Variants in GALNTL5 observed in about 807,000 individuals in gnomAD.
The protein encoded by GALNTL5 is inactive polypeptide N-acetylgalactosaminyltransferase-like protein 5.
Under a neutral mutation model 51.0 loss-of-function variants are expected in GALNTL5, and 44 were observed. The ratio of observed to expected loss-of-function variants is 0.86; its 90% confidence interval spans 0.68 to 1.11. The LOEUF is 1.11. GALNTL5 is among the 50% of genes least tolerant of loss of function. GALNTL5 has a pLI of 0.00. For missense variants in GALNTL5, 528 were observed against 531.8 expected (o/e 0.99, Z 0.07); for synonymous variants, 192 against 182.8 (o/e 1.05, Z -0.41).
At chr7:151,962,605 T>TTTTGTTTG (rs386411671) in intron 1 of GALNTL5, among the ~76,000 whole-genome samples, 421 of 19,528 alleles carry the variant, frequency 0.022, 2 homozygotes, top group African/African-American at 0.042. Flanking sequence ...CATGTCTGGG[T>TTTTGTTTG]TTTGTTTGTT....
intron 1 of GALNTL5, chr7:151,957,711 C>T (rs953264060): frequency 2.6e-5 from 4 of 152,118 alleles, no homozygotes; most frequent in African/African-American, 9.7e-5. Flanking sequence ...CTCTTTAATG[C>T]ACTTAAAATT....
chr7:152,014,498 C>T (rs2081779797), intron 7 of GALNTL5, 146 bp from the exon 8 acceptor site: 1 of 663,628 alleles, frequency 1.5e-6, no homozygotes, highest in African/African-American at 1.9e-5. Flanking sequence ...AAACTCCCTT[C>T]CTTAGGTGAT....
At position 152,019,679 on chromosome 7, in the gene GALNTL5, T is replaced by C; in HGVS notation, c.1210T>C (p.Tyr404His). 6.2e-7 allele frequency: 1 copy of C among 1,613,482 alleles called. No homozygotes were observed. Among genetic ancestry groups the C allele is most frequent in the East Asian group, 2.2e-5 (1 of 44,876 alleles). Residue 404 changes from tyrosine to histidine, a missense_variant, in exon 9 of 9, where the codon TAT becomes CAT. Transcript: ENST00000392800. ...QFFLRKPGLK[Y>H]VTYGNIRERV... ...TTTTCTTCGAAAGCCTGGTCTGAAA[T>C]ATGTCACCTACGGAAATATTCGCGA...
chr7:151,987,287 A>T lies in GALNTL5; in HGVS notation c.658+6A>T. The T allele has an allele frequency of 6.4e-7, 1 of 1,565,250 alleles. No individual in the cohort carries two copies. The highest frequency in any genetic ancestry group is 8.6e-7 in the Non-Finnish European group (1 of 1,163,850). ...TGGAGCTTCTCATGCTTCAGGTAGG[A>T]ACATTCCTGGGGACAAGAGCCAGTG... is the stretch of plus-strand genomic sequence containing the variant. On this transcript the variant is annotated splice_donor_region_variant and intron_variant, in intron 5 of 8. Transcript: ENST00000392800.
At chr7:151,974,575 T>A (rs752637753) in intron 3 of GALNTL5, among the ~76,000 whole-genome samples, 15 of 152,190 alleles carry the variant, frequency 9.9e-5, no homozygotes, top group Non-Finnish European at 1.5e-4. Flanking sequence ...GACGTGGAGT[T>A]TGTACATGAT....
chr7:152,007,124 A>T (rs1165507264), intron 6 of GALNTL5, among the ~76,000 whole-genome samples: 1 of 152,128 alleles, frequency 6.6e-6, no homozygotes, highest in Non-Finnish European at 1.5e-5. Flanking sequence ...TGGTGGACAA[A>T]ACAAGATGCT....
At chr7:151,998,636 T>G (rs928045315) in intron 5 of GALNTL5, among the ~76,000 whole-genome samples, 2 of 151,912 alleles carry the variant, frequency 1.3e-5, no homozygotes, top group African/African-American at 2.4e-5. Context: ...GCTGGACATG[T>G]TGGCAGGTGC....
intron 5 of GALNTL5, among the ~76,000 whole-genome samples, chr7:151,996,425 A>C (rs2081501361): frequency 6.6e-6 from 1 of 152,172 alleles, no homozygotes; most frequent in African/African-American, 2.4e-5. Flanking sequence ...TTGAACATCA[A>C]TACCAAAAAA....
At chr7:152,008,251 CTT>C (rs75036205) in intron 7 of GALNTL5, among the ~76,000 whole-genome samples, 12 of 134,536 alleles carry the variant, frequency 8.9e-5, no homozygotes, top group East Asian at 2.4e-4. Context: ...CCCATCTCTA[CTT>C]TTTTTTTTTA....
chr7:152,019,521 T>G, intron 8 of GALNTL5, 125 bp from the exon 9 acceptor site: 1 of 840,814 alleles, frequency 1.2e-6, no homozygotes, highest in Non-Finnish European at 1.8e-6. Flanking sequence ...CAGAAAAAAA[T>G]TGGGATCTGG....
At chr7:152,014,533 G>C in intron 7 of GALNTL5, 111 bp from the exon 8 acceptor site, 1 of 1,056,468 alleles carries the variant, frequency 9.5e-7, no homozygotes, top group South Asian at 1.7e-5. Flanking sequence ...CTCCCAAAAT[G>C]CTGGGATTAC....
chr7:151,972,013 T>C (rs4726121), intron 3 of GALNTL5, among the ~76,000 whole-genome samples: 59,061 of 151,938 alleles, frequency 0.39, 12,067 homozygotes, highest in Middle Eastern at 0.5. Flanking sequence ...ATACAGAAAA[T>C]AGGTACCAGG....
At chr7:151,976,354 G>GCCC (rs922780093) in intron 3 of GALNTL5, among the ~76,000 whole-genome samples, 2 of 151,930 alleles carry the variant, frequency 1.3e-5, no homozygotes, top group African/African-American at 4.8e-5. Flanking sequence ...GATGAAAGGG[G>GCCC]CCCCTTATCA....
chr7:151,983,209 C>A (rs1429188590), intron 4 of GALNTL5, 57 bp downstream of exon 4: 8 of 1,452,738 alleles, frequency 5.5e-6, no homozygotes, highest in Non-Finnish European at 7.7e-6. Flanking sequence ...TTGAGATTTC[C>A]CTCTGTCACC....
At chr7:151,957,442 G>T (rs2080939699) in intron 1 of GALNTL5, among the ~76,000 whole-genome samples, 1 of 151,370 alleles carries the variant, frequency 6.6e-6, no homozygotes, top group Admixed American at 6.6e-5. Flanking sequence ...CCAGCTACTT[G>T]GGAGGCTGAA....
intron 5 of GALNTL5, among the ~76,000 whole-genome samples, chr7:151,992,435 G>A (rs1387094293): frequency 1.3e-5 from 2 of 152,158 alleles, no homozygotes; most frequent in Admixed American, 1.3e-4. Flanking sequence ...CTCCTTCTGA[G>A]ACCTGCAGGG....
At chr7:151,994,821 G>C (rs918514012) in intron 5 of GALNTL5, 2 of 149,666 alleles carry the variant, frequency 1.3e-5, no homozygotes, top group East Asian at 2.0e-4. Flanking sequence ...GCAGTGGCGC[G>C]ATCTCGGCTC....
At chr7:151,975,744 T>G (rs559189745) in intron 3 of GALNTL5, among the ~76,000 whole-genome samples, 13 of 152,276 alleles carry the variant, frequency 8.5e-5, no homozygotes, top group African/African-American at 3.1e-4. Flanking sequence ...GCATCCCATA[T>G]GTTTTGGTAT....
intron 8 of GALNTL5, among the ~76,000 whole-genome samples, chr7:152,017,716 AT>A (rs1476181340): frequency 6.6e-6 from 1 of 152,188 alleles, no homozygotes; most frequent in Non-Finnish European, 1.5e-5. Flanking sequence ...AACATATCTC[AT>A]TTTTTTAAAT....
Sources: gnomAD v4.1 joint callset for allele counts (sites outside exome capture counted in the v4.1 genomes callset) on GRCh38, gnomAD v4.1.1 for gene constraint, MANE v1.5 for transcripts, NCBI Gene and HGNC (gene_info 2026-07-23, HGNC 2026-07-21) for gene names.